Variants in SENP2 observed in about 807,000 individuals in gnomAD.
SENP2 encodes SUMO specific peptidase 2.
Under a neutral mutation model 86.3 loss-of-function variants are expected in SENP2, and 16 were observed. The ratio of observed to expected loss-of-function variants is 0.19; its 90% CI spans 0.13 to 0.28. The LOEUF (loss-of-function observed/expected upper bound fraction) is 0.28, where lower values mean the gene tolerates loss of function less well. SENP2 is among the 10% of genes least tolerant of loss of function. SENP2 has a pLI of 1.00. For missense variants in SENP2, 552 were observed against 703.0 expected (o/e 0.79, Z 2.43); for synonymous variants, 222 against 238.7 (o/e 0.93, Z 0.64).
At chr3:185,613,479 G>A in intron 10 of SENP2, 71 bp downstream of exon 10, 2 of 911,392 alleles carry the variant, frequency 2.2e-6, no homozygotes, top group East Asian at 4.9e-5. Flanking sequence ...CCCATGAAAA[G>A]CAAGAAAAAG....
In SENP2 at chr3:185,617,581, A is replaced by G. The variant is rs771706665; in HGVS notation, c.1212A>G (p.Thr404=). The G allele has an allele frequency of 3.8e-5, 61 of 1,613,780 alleles. No individual in the cohort carries two copies. Among genetic ancestry groups the G allele is most frequent in the Non-Finnish European group, 5.2e-5 (61 of 1,179,834 alleles). The stretch of plus-strand genomic sequence containing the variant: ...GAATTACTCGAGGAGATATTCAGAC[A>G]TTAAAGAACTATCACTGGCTCAATG... ...KLRITRGDIQ[T]LKNYHWLNDE... Residue 404 remains threonine, a synonymous_variant, in exon 12 of 17, where the codon ACA becomes ACG. Coordinates refer to ENST00000296257, the MANE Select transcript of SENP2 (RefSeq NM_021627.3).
At chr3:185,599,809 C>CTTTTT in intron 4 of SENP2, among the ~76,000 whole-genome samples, 1 of 132,030 alleles carries the variant, frequency 7.6e-6, no homozygotes, top group Non-Finnish European at 1.6e-5. Flanking sequence ...TTCTTTCTTT[C>CTTTTT]TTTTTTTTTT....
Position 185,632,251 on chromosome 3 carries a change from T to TGCGACAGAGTC in SENP2, c.*2407_*2408insGCGACAGAGTC. ...TTTTTTTTTTTGTTTTTTTTTTTTT[T>TGCGACAGAGTC]TTTTGCGACAGAGTCTCTTGTCGCC... On this transcript the variant is annotated 3_prime_UTR_variant, in exon 17 of 17. Transcript: ENST00000296257. The TGCGACAGAGTC allele has an allele frequency of 7.4e-6, 1 of 134,606 alleles. No individual in the cohort carries two copies. Among genetic ancestry groups the TGCGACAGAGTC allele is most frequent in the South Asian group, 2.4e-4 (1 of 4,240 alleles). 8.3% of individuals were successfully genotyped at this position (134,606 alleles called of 1,614,324 possible).
chr3:185,592,043 A>T lies in SENP2; in HGVS notation c.157+1874A>T, dbSNP rs1227334328. Among the ~76,000 whole-genome samples, 16 of 21,848 alleles carry T rather than the reference A, an allele frequency of 7.3e-4. No individual in the cohort carries two copies. The Admixed American group carries it at 8.5e-3, about 12-fold the overall frequency. 14.3% of individuals were successfully genotyped at this position (21,848 alleles called of 152,430 possible). A position where few individuals can be genotyped will look rare whatever the true frequency, so the allele number is the denominator to read the frequency against. ...TTTTTTTTTTTTTTTTTGAGACAGGATCTTGCTCTGTCTTGATCTTGTCAT... is the reference window on the plus strand; with the variant it reads ...TTTTTTTTTTTTTTTTTGAGACAGGTTCTTGCTCTGTCTTGATCTTGTCAT... On this transcript the variant is annotated intron_variant, in intron 2 of 16. Coordinates refer to ENST00000296257, the MANE Select transcript of SENP2 (RefSeq NM_021627.3).
At chr3:185,611,401 T>C in intron 7 of SENP2, 1 of 357,588 alleles carries the variant, frequency 2.8e-6, no homozygotes, top group South Asian at 5.1e-5. Flanking sequence ...AGTGCATCAC[T>C]GGGGATTCAG....
At chr3:185,611,915 G>A (rs1722715028) in intron 8 of SENP2, among the ~76,000 whole-genome samples, 170 bp downstream of exon 8, 1 of 152,170 alleles carries the variant, frequency 6.6e-6, no homozygotes, top group African/African-American at 2.4e-5. Context: ...CCAGCACTTT[G>A]GGAGGCCAAG....
At chr3:185,629,660 A>C (rs1339395256) in intron 16 of SENP2, 122 bp from the exon 17 acceptor site, 3 of 901,900 alleles carry the variant, frequency 3.3e-6, no homozygotes, top group Non-Finnish European at 5.5e-6. Context: ...CCATGATGTA[A>C]AAATGTCAAC....
chr3:185,593,148 G>A (rs1379061358), intron 2 of SENP2, among the ~76,000 whole-genome samples: 1 of 152,066 alleles, frequency 6.6e-6, no homozygotes, highest in East Asian at 1.9e-4. Context: ...GAGAGCAATA[G>A]GAAGGAAAAA....
At chr3:185,623,417 G>C (rs1055941183) in intron 14 of SENP2, among the ~76,000 whole-genome samples, 4 of 152,166 alleles carry the variant, frequency 2.6e-5, no homozygotes, top group South Asian at 2.1e-4. Context: ...TGATATACAG[G>C]CGTGAGCCAC....
intron 13 of SENP2, among the ~76,000 whole-genome samples, chr3:185,620,941 C>A (rs1345090872): frequency 6.6e-6 from 1 of 151,312 alleles, no homozygotes; most frequent in South Asian, 2.1e-4. Context: ...GAGTTTGAGA[C>A]CAGCCTGGGC....
rs6785918 is a variant in SENP2, at chr3:185,612,843, A to T, written c.869+185A>T. On this transcript the variant is annotated intron_variant, in intron 9 of 16. Transcript: ENST00000296257. ...ATGCCCACCCTAGCCTGGTGGGTTG[A>T]GGGGGGTGCCCCTTATCTCCCAGGC... 3.4e-3 allele frequency among the ~76,000 whole-genome samples: 522 copies of T among 152,170 alleles called. 5 individuals are homozygous for T. Among genetic ancestry groups the T allele is most frequent in the African/African-American group, 0.012 (492 of 41,510 alleles).
At chr3:185,613,870 A>T (rs1463878411) in intron 10 of SENP2, among the ~76,000 whole-genome samples, 1 of 151,424 alleles carries the variant, frequency 6.6e-6, no homozygotes, top group East Asian at 1.9e-4. Context: ...TTGAAAATAC[A>T]CAACTTTTTT....
intron 7 of SENP2, among the ~76,000 whole-genome samples, chr3:185,611,364 GTT>G (rs78506856): frequency 0.085 from 13,006 of 152,264 alleles, 862 homozygotes; most frequent in South Asian, 0.34. Context: ...TTTAATCTGA[GTT>G]TTATCACACT....
chr3:185,620,904 G>A (rs1711835993), intron 13 of SENP2, among the ~76,000 whole-genome samples: 2 of 151,826 alleles, frequency 1.3e-5, no homozygotes, highest in African/African-American at 2.4e-5. Flanking sequence ...TTGGGAGGCT[G>A]AGGCAGGAGG....
intron 7 of SENP2, among the ~76,000 whole-genome samples, chr3:185,609,732 C>T (rs1220686832): frequency 1.3e-5 from 2 of 151,614 alleles, no homozygotes; most frequent in African/African-American, 4.9e-5. Flanking sequence ...TTTCTCCCAT[C>T]TCCCTTCCTT....
intron 2 of SENP2, among the ~76,000 whole-genome samples, chr3:185,596,235 A>G (rs1027097185): frequency 6.6e-6 from 1 of 152,082 alleles, no homozygotes; most frequent in African/African-American, 2.4e-5. Flanking sequence ...AAGTGCTGGG[A>G]TTACAGGCTT....
chr3:185,629,468 C>T (rs1035519313), intron 16 of SENP2, among the ~76,000 whole-genome samples: 4 of 151,896 alleles, frequency 2.6e-5, no homozygotes, highest in Non-Finnish European at 2.9e-5. Flanking sequence ...GTCCCAGCTA[C>T]GCTGGAGACT....
At chr3:185,609,787 T>C (rs1722627160) in intron 7 of SENP2, among the ~76,000 whole-genome samples, 1 of 151,874 alleles carries the variant, frequency 6.6e-6, no homozygotes, top group East Asian at 1.9e-4. Flanking sequence ...TTTTTGTCTT[T>C]TTTCCTTCCC....
chr3:185,620,182 C>G (rs1711792822), intron 13 of SENP2, among the ~76,000 whole-genome samples: 1 of 151,974 alleles, frequency 6.6e-6, no homozygotes, highest in Non-Finnish European at 1.5e-5. Context: ...TTCACTTTAG[C>G]CTCCCAGGTA....
Sources: allele counts gnomAD v4.1 joint callset (sites outside exome capture counted in the v4.1 genomes callset), GRCh38; gene constraint gnomAD v4.1.1; transcripts MANE v1.5; gene names NCBI Gene and HGNC (gene_info 2026-07-23, HGNC 2026-07-21).